FAM133B: variants seen among roughly 807,000 people sequenced by gnomAD.
The protein encoded by FAM133B is protein FAM133B.
A neutral mutation model predicts 46.4 loss-of-function variants in FAM133B; 25 were observed. That is an observed-to-expected ratio of 0.54 (90% CI 0.39 to 0.75). The LOEUF (loss-of-function observed/expected upper bound fraction) is 0.75, where lower values mean the gene tolerates loss of function less well. Among genes scored for constraint, FAM133B ranks in the 30% least tolerant of loss-of-function variants. The probability of loss-of-function intolerance (pLI) is 0.00; values close to 1 mark genes in which losing one functional copy is unlikely to be tolerated. For synonymous variants in FAM133B, 75 were observed against 86.0 expected (o/e 0.87, Z 0.71); for missense variants, 205 against 277.6 (o/e 0.74, Z 1.86).
At chr7:92,563,446 A>G (rs966375825) in intron 10 of FAM133B, among the ~76,000 whole-genome samples, 7 of 151,804 alleles carry the variant, frequency 4.6e-5, no homozygotes, top group African/African-American at 1.7e-4. Flanking sequence ...CTTCCATGAC[A>G]CCTCTCTGCT....
At chr7:92,590,179 C>A in intron 1 of FAM133B, 89 bp downstream of exon 1, 1 of 1,604,890 alleles carries the variant, frequency 6.2e-7, no homozygotes, top group Non-Finnish European at 8.5e-7. Context: ...TGCCGCTTGC[C>A]CTCCGGCCCG....
At chr7:92,586,932 G>A (rs2116427285) in intron 1 of FAM133B, among the ~76,000 whole-genome samples, 1 of 152,284 alleles carries the variant, frequency 6.6e-6, no homozygotes, top group South Asian at 2.1e-4. Context: ...TATAAAAACT[G>A]TACAAGAATG....
At chr7:92,564,774 T>G (rs1226264694) in intron 10 of FAM133B, among the ~76,000 whole-genome samples, 1 of 152,208 alleles carries the variant, frequency 6.6e-6, no homozygotes, top group Non-Finnish European at 1.5e-5. Flanking sequence ...CTAAATTACT[T>G]TGCTGATATT....
chr7:92,581,267 C>A (rs1794860493), intron 2 of FAM133B, among the ~76,000 whole-genome samples: 1 of 152,212 alleles, frequency 6.6e-6, no homozygotes, highest in South Asian at 2.1e-4. Flanking sequence ...AGAGAAGAGA[C>A]TGGTATGAAA....
chr7:92,568,388 A>C (rs1794428835), intron 9 of FAM133B, among the ~76,000 whole-genome samples: 1 of 151,108 alleles, frequency 6.6e-6, no homozygotes, highest in Non-Finnish European at 1.5e-5. Flanking sequence ...ATGGAGTTTC[A>C]CTCTTGTTGC....
intron 2 of FAM133B, 122 bp from the exon 3 acceptor site, chr7:92,579,517 G>A (rs1794802914): frequency 2.7e-4 from 171 of 623,378 alleles, no homozygotes; most frequent in South Asian, 9.6e-4. Flanking sequence ...ATTCAATGTT[G>A]GTAACATTTC....
intron 2 of FAM133B, among the ~76,000 whole-genome samples, chr7:92,579,620 G>C (rs1180490351): frequency 3.3e-5 from 5 of 152,114 alleles, no homozygotes; most frequent in Non-Finnish European, 7.3e-5. Context: ...GATTATAAGA[G>C]CTAATACACC....
chr7:92,585,314 T>C (rs1366648723), intron 1 of FAM133B: 3 of 928,002 alleles, frequency 3.2e-6, no homozygotes, highest in African/African-American at 1.8e-5. Flanking sequence ...TAAATTTAAC[T>C]GGTCTCAGGT....
chr7:92,577,774 C>A lies in FAM133B; in HGVS notation c.310-57G>T, dbSNP rs906496214. 26 of 1,376,760 alleles carry A rather than the reference C, an allele frequency of 1.9e-5. No individual in the cohort carries two copies. In the African/African-American group the frequency reaches 3.3e-4, roughly 18 times the overall value. 85.3% of individuals were successfully genotyped at this position (1,376,760 alleles called of 1,614,324 possible). ...GAGATGCGAGAATGTTTTTCTTTTACAAAGTCTCTCAAATACTTAGTGAAA... is the reference window on the plus strand; with the variant it reads ...GAGATGCGAGAATGTTTTTCTTTTAAAAAGTCTCTCAAATACTTAGTGAAA... On this transcript the variant is annotated intron_variant, in intron 5 of 10. Transcript: ENST00000445716.
intron 10 of FAM133B, among the ~76,000 whole-genome samples, chr7:92,563,782 G>GA (rs908696846): frequency 2.6e-5 from 4 of 152,132 alleles, no homozygotes; most frequent in African/African-American, 9.7e-5. Context: ...TTAGGTCAAA[G>GA]AATCTAAGCT....
intron 8 of FAM133B, among the ~76,000 whole-genome samples, chr7:92,573,450 C>T (rs1159582999): frequency 6.7e-6 from 1 of 148,772 alleles, no homozygotes; most frequent in Non-Finnish European, 1.5e-5. Flanking sequence ...CCATTGTGCC[C>T]AGTCTTTTTT....
chr7:92,565,975 C>T, intron 10 of FAM133B, 39 bp downstream of exon 10: 1 of 1,601,570 alleles, frequency 6.2e-7, no homozygotes. Context: ...AACCAAAACA[C>T]CTATTCTATT....
At chr7:92,581,786 G>C (rs927370042) in intron 1 of FAM133B, 183 bp from the exon 2 acceptor site, 60 of 463,840 alleles carry the variant, frequency 1.3e-4, no homozygotes, top group Non-Finnish European at 8.5e-5. Flanking sequence ...TAAAAGTTTG[G>C]GAGAAAATTG....
chr7:92,569,887 T>C lies in FAM133B; in HGVS notation c.545A>G (p.Lys182Arg), dbSNP rs199681269. Residue 182 changes from lysine (K) to arginine (R), a missense_variant, in exon 9 of 11, where the codon AAG becomes AGG. By Grantham distance (26) the Lys-to-Arg change is conservative (BLOSUM62 2). Transcript: ENST00000445716. ...KDIKGLSKKR[K>R]MYSEDKPLSS... ...TAAAGGTTTATCTTCAGAATACATCTTTCTCTTTTTGCTGAGTCCTTTAAT... is the reference window on the plus strand; with the variant it reads ...TAAAGGTTTATCTTCAGAATACATCCTTCTCTTTTTGCTGAGTCCTTTAAT... The C allele has an allele frequency of 9.8e-6, 14 of 1,422,774 alleles. No homozygotes were observed. The highest frequency in any genetic ancestry group is 1.3e-5 in the Non-Finnish European group (14 of 1,085,608). 88.1% of individuals were successfully genotyped at this position (1,422,774 alleles called of 1,614,324 possible).
chr7:92,576,603 G>T (rs1408533744), intron 7 of FAM133B, among the ~76,000 whole-genome samples: 2 of 152,188 alleles, frequency 1.3e-5, no homozygotes, highest in African/African-American at 4.8e-5. Context: ...AGCCTAATCA[G>T]ATACTAAAAC....
chr7:92,573,337 T>C (rs1275978433), intron 8 of FAM133B, among the ~76,000 whole-genome samples: 1 of 152,012 alleles, frequency 6.6e-6, no homozygotes, highest in African/African-American at 2.4e-5. Context: ...TTTCTTTGTG[T>C]AGAGATGGCC....
chr7:92,574,230 A>G (rs1794623869), intron 8 of FAM133B, among the ~76,000 whole-genome samples: 1 of 152,226 alleles, frequency 6.6e-6, no homozygotes, highest in South Asian at 2.1e-4. Context: ...CACACACGGA[A>G]TATTACTTAG....
intron 9 of FAM133B, among the ~76,000 whole-genome samples, chr7:92,568,309 C>G (rs1415921895): frequency 5.9e-5 from 9 of 152,010 alleles, no homozygotes; most frequent in Admixed American, 3.3e-4. Flanking sequence ...ACACCTGCTA[C>G]AGCCTGCATT....
chr7:92,587,842 T>A (rs1795080524), intron 1 of FAM133B, among the ~76,000 whole-genome samples: 1 of 152,202 alleles, frequency 6.6e-6, no homozygotes, highest in Non-Finnish European at 1.5e-5. Context: ...CAATGTAGGT[T>A]CATCAATTTT....
Sources: allele counts gnomAD v4.1 joint callset (sites outside exome capture counted in the v4.1 genomes callset), GRCh38; gene constraint gnomAD v4.1.1; transcripts MANE v1.5; gene names NCBI Gene and HGNC (gene_info 2026-07-23, HGNC 2026-07-21).